The following GALNT14 variants were observed in gnomAD, a reference collection of about 807,000 sequenced individuals.
GALNT14 encodes UDP-GalNAc:polypeptide N-acetylgalactosaminyltransferase 14.
Under a neutral mutation model 77.5 loss-of-function variants are expected in GALNT14, and 60 were observed. That is an observed-to-expected ratio of 0.77 (90% CI 0.63 to 0.96). The LOEUF is 0.96. GALNT14 is among the 40% of genes least tolerant of loss of function. GALNT14 has a pLI of 0.00. For missense variants in GALNT14, 710 were observed against 731.0 expected (o/e 0.97, Z 0.33); for synonymous variants, 280 against 281.7 (o/e 0.99, Z 0.06).
At chr2:31,042,249 AT>A (rs1558518526) in intron 1 of GALNT14, among the ~76,000 whole-genome samples, 1 of 152,100 alleles carries the variant, frequency 6.6e-6, no homozygotes, top group Non-Finnish European at 1.5e-5. Context: ...AGGCTTTACT[AT>A]TTTTTTAAAG....
intron 1 of GALNT14, among the ~76,000 whole-genome samples, chr2:31,123,804 A>G (rs1036459065): frequency 2.0e-5 from 3 of 152,132 alleles, no homozygotes; most frequent in African/African-American, 7.2e-5. Context: ...ATCCCCATGT[A>G]CCCCGGCAAA....
At chr2:31,018,524 C>T (rs558293880) in intron 1 of GALNT14, among the ~76,000 whole-genome samples, 2 of 152,260 alleles carry the variant, frequency 1.3e-5, no homozygotes, top group South Asian at 2.1e-4. Context: ...ACATGAACAC[C>T]GCCCCCGTGA....
intron 1 of GALNT14, among the ~76,000 whole-genome samples, chr2:31,125,562 G>A (rs1678665724): frequency 6.6e-6 from 1 of 152,204 alleles, no homozygotes; most frequent in South Asian, 2.1e-4. Flanking sequence ...TATGACTGGG[G>A]AAAATGGGAA....
At chr2:31,120,155 C>CA (rs753835346) in intron 1 of GALNT14, among the ~76,000 whole-genome samples, 797 of 66,460 alleles carry the variant, frequency 0.012, 46 homozygotes, top group East Asian at 0.045. Flanking sequence ...GACTCCGTCT[C>CA]AAAAAAAAAA....
At position 30,995,946 on chromosome 2, in the gene GALNT14, A is replaced by G. The variant is rs925312183; in HGVS notation, c.130-2939T>C. ...AGATCCAGCAAGAGCTGATGTTTCC[A>G]GTGGAGTCTGAACGCAGGAAAAGCC... On this transcript the variant is annotated intron_variant, in intron 1 of 14. Coordinates refer to ENST00000349752, the MANE Select transcript of GALNT14 (RefSeq NM_024572.4). Among the ~76,000 whole-genome samples, 26 of 152,336 alleles carry G rather than the reference A, an allele frequency of 1.7e-4. 2 individuals are homozygous for G. Among genetic ancestry groups the G allele is most frequent in the Middle Eastern group, 3.4e-3 (1 of 294 alleles).
At chr2:30,974,115 C>T (rs560146246) in intron 2 of GALNT14, among the ~76,000 whole-genome samples, 1 of 152,270 alleles carries the variant, frequency 6.6e-6, no homozygotes, top group African/African-American at 2.4e-5. Context: ...CTCTGCTTCC[C>T]ACACCTCAGC....
chr2:30,924,006 T>C, intron 13 of GALNT14, 113 bp downstream of exon 13: 1 of 1,189,684 alleles, frequency 8.4e-7, no homozygotes, highest in Non-Finnish European at 1.2e-6. Flanking sequence ...TACCGATCTC[T>C]GGGAATAAAT....
intron 1 of GALNT14, among the ~76,000 whole-genome samples, chr2:31,098,713 T>G (rs1376342538): frequency 1.3e-5 from 2 of 152,044 alleles, no homozygotes; most frequent in African/African-American, 4.8e-5. Context: ...TAACTACCGA[T>G]AGCCTATTGT....
At chr2:31,053,046 G>C (rs760952032) in intron 1 of GALNT14, among the ~76,000 whole-genome samples, 3 of 152,076 alleles carry the variant, frequency 2.0e-5, no homozygotes, top group Non-Finnish European at 4.4e-5. Context: ...CCTAAGCTGC[G>C]GCAGAAGGGG....
intron 1 of GALNT14, among the ~76,000 whole-genome samples, chr2:31,118,513 A>G (rs896532673): frequency 4.4e-4 from 67 of 152,328 alleles, no homozygotes; most frequent in African/African-American, 1.6e-3. Flanking sequence ...TGATTCAATC[A>G]AAAGATAAAA....
rs981927114 is a variant in GALNT14 at position 30,911,003 on chromosome 2, A to G, written c.1557T>C (p.Asp519=). The part of the protein sequence containing the change: ...IEHIASHLCL[D]TDMFGDGTEN... ...CGGTGCCATCACCGAACATATCTGT[A>G]TCGAGGCAGAGGTGGGATGCTATGT... The change falls in exon 15 of 15, where the codon GAT becomes GAC. Residue 519 remains aspartate, a synonymous_variant. Transcript: ENST00000349752. 3 of 1,613,874 alleles carry G rather than the reference A, an allele frequency of 1.9e-6. No homozygotes were observed. Among genetic ancestry groups the G allele is most frequent in the Non-Finnish European group, 2.5e-6 (3 of 1,180,016 alleles).
intron 2 of GALNT14, among the ~76,000 whole-genome samples, chr2:30,967,617 C>T (rs1211202109): frequency 6.6e-6 from 1 of 152,180 alleles, no homozygotes; most frequent in Non-Finnish European, 1.5e-5. Context: ...CTGCCAGAAA[C>T]AATTTCTCAC....
chr2:30,906,266 C>A (rs1310279989), downstream of GALNT14, among the ~76,000 whole-genome samples: 1 of 151,418 alleles, frequency 6.6e-6, no homozygotes, highest in African/African-American at 2.4e-5. Flanking sequence ...CACAGACTGG[C>A]AAATTGGAGA....
intron 9 of GALNT14, among the ~76,000 whole-genome samples, chr2:30,937,627 C>G (rs1471727995): frequency 6.6e-6 from 1 of 152,218 alleles, no homozygotes; most frequent in East Asian, 1.9e-4. Context: ...CTGGTTTCAT[C>G]TGCTACTTCT....
intron 1 of GALNT14, among the ~76,000 whole-genome samples, chr2:31,042,042 G>A (rs1246221245): frequency 6.6e-6 from 1 of 152,166 alleles, no homozygotes; most frequent in Non-Finnish European, 1.5e-5. Context: ...CCACTCTGAT[G>A]AGATGCTTAG....
intron 1 of GALNT14, among the ~76,000 whole-genome samples, chr2:31,041,878 C>A (rs1349380923): frequency 6.6e-6 from 1 of 152,030 alleles, no homozygotes; most frequent in East Asian, 1.9e-4. Context: ...AGATGTGAAG[C>A]AGAGCCATGC....
chr2:31,130,794 C>CTGTGTG (rs1678957234), intron 1 of GALNT14, among the ~76,000 whole-genome samples: 1 of 89,084 alleles, frequency 1.1e-5, no homozygotes, highest in Non-Finnish European at 2.2e-5. Context: ...GCGCGCGCAC[C>CTGTGTG]TGTGTGTGTG....
In GALNT14 at chr2:30,944,735, G is replaced by A. The variant is rs1666580952; in HGVS notation, c.827+123C>T. The A allele has an allele frequency of 7.0e-6, 5 of 713,686 alleles. No individual in the cohort carries two copies. In the Admixed American group the frequency reaches 1.3e-4, roughly 18 times the overall value. 44.2% of individuals were successfully genotyped at this position (713,686 alleles called of 1,614,324 possible). ...TAAAATAAAGGCAAAAGTGGAGATG[G>A]CCTGGCAAAGGGCTCCCTTTGTCTG... On this transcript the variant is annotated intron_variant, in intron 8 of 14. Coordinates refer to ENST00000349752, the MANE Select transcript of GALNT14 (RefSeq NM_024572.4).
the GALNT14 span, among the ~76,000 whole-genome samples, chr2:30,889,963 T>A: frequency 0.3 from 45,063 of 151,992 alleles, 6,938 homozygotes; most frequent in African/African-American, 0.35. Context: ...CATTAAACCG[T>A]GAGTATTTTT....
Sources: gnomAD v4.1 joint callset for allele counts (sites outside exome capture counted in the v4.1 genomes callset) on GRCh38, gnomAD v4.1.1 for gene constraint, MANE v1.5 for transcripts, NCBI Gene and HGNC (gene_info 2026-07-23, HGNC 2026-07-21) for gene names.